The following ULK4 variants were observed in gnomAD, a reference collection of about 807,000 sequenced individuals.
ULK4 encodes unc-51 like kinase 4, also known as inactive serine/threonine-protein kinase ULK4.
In ULK4, 133 loss-of-function variants were observed where a neutral mutation model predicts 160.6. That is an observed-to-expected ratio of 0.83 (90% CI 0.72 to 0.96). The LOEUF (loss-of-function observed/expected upper bound fraction) is 0.96. ULK4 is among the 40% of genes least tolerant of loss of function. ULK4 has a pLI of 0.00. For missense variants in ULK4, 1,580 were observed against 1,499.5 expected (o/e 1.05, Z -0.89); for synonymous variants, 534 against 539.8 (o/e 0.99, Z 0.15).
At chr3:41,663,409 A>G (rs1482056525) in intron 30 of ULK4, among the ~76,000 whole-genome samples, 198 bp downstream of exon 30, 6 of 152,218 alleles carry the variant, frequency 3.9e-5, no homozygotes, top group Non-Finnish European at 7.3e-5. Flanking sequence ...GCTGACTCTA[A>G]TAAGAATTAA....
chr3:41,959,579 CTTTT>C (rs1165666100), intron 1 of ULK4, among the ~76,000 whole-genome samples: 1 of 152,056 alleles, frequency 6.6e-6, no homozygotes, highest in Non-Finnish European at 1.5e-5. Context: ...TAGTATCTTT[CTTTT>C]AATGACGGTT....
Position 41,398,353 on chromosome 3 carries a change from G to A in ULK4, c.3493-89C>T, listed in dbSNP as rs549266660. 1.8e-4 allele frequency: 235 copies of A among 1,323,228 alleles called. 3 individuals carry two copies. The South Asian group carries it at 1.8e-3, about 10-fold the overall frequency. 82.0% of individuals were successfully genotyped at this position (1,323,228 alleles called of 1,614,324 possible). On this transcript the variant is annotated intron_variant, in intron 34 of 36. Transcript: ENST00000301831. ...CACAGTAAAATTTGGCTTGATGGGG[G>A]TGTCAGCCTGAGTAGTCTGCTGAAT...
intron 32 of ULK4, among the ~76,000 whole-genome samples, chr3:41,479,890 A>G (rs1334806887): frequency 6.6e-6 from 1 of 152,202 alleles, no homozygotes; most frequent in East Asian, 1.9e-4. Flanking sequence ...TTCAAATAAT[A>G]CCAATGTGTA....
At chr3:41,782,451 T>C (rs1397795567) in intron 21 of ULK4, among the ~76,000 whole-genome samples, 1 of 152,074 alleles carries the variant, frequency 6.6e-6, no homozygotes, top group Non-Finnish European at 1.5e-5. Flanking sequence ...TTACTGTGAC[T>C]CACCAAATTT....
chr3:41,328,556 T>C (rs1020308841), intron 35 of ULK4, among the ~76,000 whole-genome samples: 2 of 152,164 alleles, frequency 1.3e-5, no homozygotes, highest in Non-Finnish European at 2.9e-5. Context: ...TAATTCTACG[T>C]GATGCCAGTG....
At chr3:41,917,610 T>C (rs961898784) in intron 7 of ULK4, among the ~76,000 whole-genome samples, 1 of 152,200 alleles carries the variant, frequency 6.6e-6, no homozygotes, top group African/African-American at 2.4e-5. Flanking sequence ...AAATTATTGC[T>C]GATAGATCAT....
At chr3:41,534,383 A>T (rs1230745790) in intron 32 of ULK4, among the ~76,000 whole-genome samples, 1 of 152,184 alleles carries the variant, frequency 6.6e-6, no homozygotes, top group African/African-American at 2.4e-5. Context: ...CATTATTGAA[A>T]GGTCATTGCA....
rs2087772875 is a variant in ULK4, at chr3:41,566,093, C to A, written c.3158G>T (p.Ser1053Ile). 1 of 1,613,698 alleles carries A rather than the reference C, an allele frequency of 6.2e-7. No individual in the cohort carries two copies. Among genetic ancestry groups the A allele is most frequent in the Non-Finnish European group, 8.5e-7 (1 of 1,179,964 alleles). ...QESILGNTMQ[S>I]VIALLSNLVA... ...TAGATTGCTGAGTAATGCAATCACA[C>A]TTTGCATGGTATTACCCAGAATGCT... Residue 1053 changes from serine (S) to isoleucine (I), a missense_variant, in exon 32 of 37, where the codon AGT becomes ATT. Coordinates refer to ENST00000301831, the MANE Select transcript of ULK4 (RefSeq NM_017886.4).
chr3:41,397,914 C>A (rs2125814529), intron 35 of ULK4, among the ~76,000 whole-genome samples, 165 bp downstream of exon 35: 1 of 152,210 alleles, frequency 6.6e-6, no homozygotes, highest in Non-Finnish European at 1.5e-5. Flanking sequence ...CAGTATATGA[C>A]AAATGTCAAC....
intron 34 of ULK4, among the ~76,000 whole-genome samples, chr3:41,431,349 A>G (rs2082901004): frequency 7.6e-6 from 1 of 131,024 alleles, no homozygotes; most frequent in Non-Finnish European, 1.6e-5. Flanking sequence ...TCCGTCACAC[A>G]CACACAAATA....
At chr3:41,604,345 T>C (rs1257574093) in intron 31 of ULK4, among the ~76,000 whole-genome samples, 1 of 152,110 alleles carries the variant, frequency 6.6e-6, no homozygotes, top group Non-Finnish European at 1.5e-5. Context: ...AAAAGTATAC[T>C]GATGTGAGTT....
intron 32 of ULK4, among the ~76,000 whole-genome samples, chr3:41,525,252 G>C (rs2125935312): frequency 6.6e-6 from 1 of 152,258 alleles, no homozygotes; most frequent in South Asian, 2.1e-4. Flanking sequence ...GGTGAGAAAG[G>C]GAAGCAGGAC....
chr3:41,357,088 A>G (rs1017946742), intron 35 of ULK4, among the ~76,000 whole-genome samples: 2 of 152,160 alleles, frequency 1.3e-5, no homozygotes, highest in African/African-American at 4.8e-5. Flanking sequence ...CCCAGAGTAA[A>G]GCAGTTGTTT....
chr3:41,842,715 G>C (rs1193662258), intron 17 of ULK4, among the ~76,000 whole-genome samples: 1 of 150,554 alleles, frequency 6.6e-6, no homozygotes, highest in African/African-American at 2.4e-5. Flanking sequence ...TTCTTCTATA[G>C]CCTGCAGAAC....
chr3:41,603,342 G>A (rs1236693900), intron 31 of ULK4, among the ~76,000 whole-genome samples: 1 of 151,988 alleles, frequency 6.6e-6, no homozygotes, highest in Non-Finnish European at 1.5e-5. Context: ...AAACACTGAA[G>A]TACAAACTGG....
At chr3:41,780,680 G>C (rs1252581704) in intron 21 of ULK4, among the ~76,000 whole-genome samples, 1 of 152,170 alleles carries the variant, frequency 6.6e-6, no homozygotes, top group Non-Finnish European at 1.5e-5. Flanking sequence ...CACCAACCTT[G>C]TAACAACTCC....
At chr3:41,798,860 T>G (rs1368527238) in intron 20 of ULK4, among the ~76,000 whole-genome samples, 1 of 152,088 alleles carries the variant, frequency 6.6e-6, no homozygotes, top group Non-Finnish European at 1.5e-5. Context: ...TTGAATTAGG[T>G]TCCCAAGAAG....
intron 30 of ULK4, among the ~76,000 whole-genome samples, chr3:41,657,740 C>G (rs1228382238): frequency 1.4e-5 from 2 of 147,944 alleles, no homozygotes; most frequent in Non-Finnish European, 3.0e-5. Flanking sequence ...TACTTGAACC[C>G]AGGAAGTGAA....
chr3:41,357,340 A>G (rs996538579), intron 35 of ULK4, among the ~76,000 whole-genome samples: 5 of 152,196 alleles, frequency 3.3e-5, no homozygotes, highest in African/African-American at 1.2e-4. Context: ...CATAGGAAGA[A>G]TAAGTGACAG....
Sources: allele counts gnomAD v4.1 joint callset (sites outside exome capture counted in the v4.1 genomes callset), GRCh38; gene constraint gnomAD v4.1.1; transcripts MANE v1.5; gene names NCBI Gene and HGNC (gene_info 2026-07-23, HGNC 2026-07-21).